Variants in TMEM181 observed in about 807,000 individuals in gnomAD.
TMEM181 encodes G protein-coupled receptor 178.
In TMEM181, 39 loss-of-function variants were observed where a neutral mutation model predicts 71.9. The ratio of observed to expected loss-of-function variants is 0.54; its 90% CI spans 0.42 to 0.71. The LOEUF (loss-of-function observed/expected upper bound fraction) is 0.71, where lower values mean the gene tolerates loss of function less well. TMEM181 is among the 30% of genes least tolerant of loss of function. The probability of loss-of-function intolerance (pLI) is 0.00; values close to 1 mark genes in which losing one functional copy is unlikely to be tolerated. For missense variants in TMEM181, 595 were observed against 583.0 expected, an observed-to-expected ratio of 1.02 and a Z score of -0.21; for synonymous variants, 245 against 228.8, an observed-to-expected ratio of 1.07 and a Z score of -0.64.
chr6:158,625,841 A>G, intron 13 of TMEM181, 87 bp downstream of exon 13: 2 of 1,221,118 alleles, frequency 1.6e-6, no homozygotes, highest in South Asian at 1.3e-5. Context: ...TGTGGAGTGG[A>G]TTTCAGGGTA....
At chr6:158,589,437 G>C (rs1783977016) in intron 5 of TMEM181, among the ~76,000 whole-genome samples, 1 of 152,174 alleles carries the variant, frequency 6.6e-6, no homozygotes, top group Admixed American at 6.5e-5. Context: ...GTCATCCAAA[G>C]TAGAAAGATT....
At position 158,561,159 on chromosome 6, in the gene TMEM181, T is replaced by C. The variant is rs112971025; in HGVS notation, c.8+927T>C. Among the ~76,000 whole-genome samples the C allele has an allele frequency of 2.0e-3, 312 of 152,316 alleles. 2 individuals are homozygous for C. The highest frequency in any genetic ancestry group is 6.8e-3 in the African/African-American group (283 of 41,574). On this transcript the variant is annotated intron_variant, in intron 1 of 16. Transcript: ENST00000684151. Reference sequence around the variant, plus strand: ...GGCAGAAGGGTTTTGCTTTGGATCTTTGCTGATTTCTCTGGCTGTGGACGT... The same window carrying C: ...GGCAGAAGGGTTTTGCTTTGGATCTCTGCTGATTTCTCTGGCTGTGGACGT...
At chr6:158,553,208 G>A (rs1268180317) in intron 1 of TMEM181, among the ~76,000 whole-genome samples, 6 of 151,686 alleles carry the variant, frequency 4.0e-5, no homozygotes, top group Non-Finnish European at 7.4e-5. Flanking sequence ...AAAAAATTGG[G>A]AAATGAACCA....
chr6:158,536,842 C>G, exon 1 of TMEM181: 1 of 1,501,002 alleles, frequency 6.7e-7, no homozygotes. Context: ...ACCTCACGCC[C>G]TTCAAGGATG....
chr6:158,570,784 C>T (rs1364559582), intron 1 of TMEM181, among the ~76,000 whole-genome samples: 1 of 152,110 alleles, frequency 6.6e-6, no homozygotes, highest in East Asian at 1.9e-4. Flanking sequence ...GTACTGTTAA[C>T]TGAACTAAAG....
chr6:158,581,753 CAAAA>C (rs10626721), intron 3 of TMEM181, among the ~76,000 whole-genome samples: 49 of 62,170 alleles, frequency 7.9e-4, no homozygotes, highest in South Asian at 5.0e-3. Context: ...GACTCTGTCT[CAAAA>C]AAAAAAAAAA....
At chr6:158,630,880 C>T (rs9457419) in intron 15 of TMEM181, among the ~76,000 whole-genome samples, 49,982 of 151,492 alleles carry the variant, frequency 0.33, 9,513 homozygotes, top group African/African-American at 0.53. Context: ...CCTTCACAAA[C>T]GGCGTCTCAC....
At chr6:158,624,334 T>C (rs1222142652) in intron 11 of TMEM181, among the ~76,000 whole-genome samples, 5 of 152,138 alleles carry the variant, frequency 3.3e-5, no homozygotes, top group African/African-American at 1.2e-4. Context: ...CTTAGGTGCT[T>C]TTGAGAAAAA....
intron 14 of TMEM181, 67 bp downstream of exon 14, chr6:158,628,557 A>G: frequency 6.9e-7 from 1 of 1,445,634 alleles, no homozygotes; most frequent in South Asian, 1.2e-5. Flanking sequence ...TTAGTGGCTC[A>G]GATTTGCCCC....
chr6:158,615,562 G>T (rs1785566784), intron 10 of TMEM181, among the ~76,000 whole-genome samples: 1 of 152,152 alleles, frequency 6.6e-6, no homozygotes, highest in African/African-American at 2.4e-5. Flanking sequence ...CCTTGCCCAT[G>T]CCCATGTCCT....
intron 10 of TMEM181, among the ~76,000 whole-genome samples, chr6:158,616,654 G>A (rs1368197170): frequency 7.2e-5 from 11 of 152,108 alleles, no homozygotes; most frequent in African/African-American, 2.4e-5. Flanking sequence ...TTTGAGATAC[G>A]TCCCATCAAC....
In TMEM181 at chr6:158,549,430, T is replaced by C. The variant is rs758724999; in HGVS notation, c.131+12565T>C. Among the ~76,000 whole-genome samples the C allele has an allele frequency of 5.3e-5, 8 of 152,230 alleles. No homozygotes were observed. The South Asian group carries it at 6.2e-4, about 12-fold the overall frequency. ...TGCCTGGCCTACACTTCTTAACATA[T>C]AGTAGTAGACTTTCAAGTGATTCAG... On this transcript the variant is annotated intron_variant, in intron 1 of 16. Transcript: ENST00000367090.
At chr6:158,569,543 T>G (rs1473669170) in intron 1 of TMEM181, among the ~76,000 whole-genome samples, 2 of 152,118 alleles carry the variant, frequency 1.3e-5, no homozygotes, top group East Asian at 3.8e-4. Flanking sequence ...TTATTGAGCC[T>G]TCTGAGAGAG....
rs1264363432 is a variant in TMEM181, at chr6:158,634,439, CTT to C, written c.*2553_*2554del. 6.6e-6 allele frequency: 1 copy of C among 151,970 alleles called. No homozygotes were observed. Among genetic ancestry groups the C allele is most frequent in the Non-Finnish European group, 1.5e-5 (1 of 67,986 alleles). 9.4% of individuals were successfully genotyped at this position (151,970 alleles called of 1,614,324 possible). On this transcript the variant is annotated 3_prime_UTR_variant, in exon 17 of 17. Coordinates refer to ENST00000684151, the MANE Select transcript of TMEM181 (RefSeq NM_001376852.1). ...AAGTTTTGCGAACTTAAAGGGCTGA[CTT>C]TAGTTCCTTCATGGTAATGGCTTGA... is the stretch of plus-strand genomic sequence containing the variant.
intron 1 of TMEM181, among the ~76,000 whole-genome samples, chr6:158,544,176 GGA>G (rs142404272): frequency 4.1e-5 from 5 of 122,030 alleles, no homozygotes; most frequent in Admixed American, 1.8e-4. Context: ...GGTGCAAATT[GGA>G]GAGAGTGTGT....
intron 10 of TMEM181, among the ~76,000 whole-genome samples, chr6:158,609,417 C>A (rs1364685098): frequency 6.6e-6 from 1 of 151,986 alleles, no homozygotes; most frequent in Non-Finnish European, 1.5e-5. Flanking sequence ...CTCATTGTAC[C>A]CTCATGTCAC....
At chr6:158,618,667 G>A (rs1448262747) in intron 10 of TMEM181, among the ~76,000 whole-genome samples, 1 of 152,190 alleles carries the variant, frequency 6.6e-6, no homozygotes, top group Non-Finnish European at 1.5e-5. Context: ...TCCTTCAGGA[G>A]CTCTTGTAAG....
rs188540903 is a variant in TMEM181, at chr6:158,607,942, T to C, written c.674-391T>C. The stretch of plus-strand genomic sequence containing the variant: ...TGTTCCTCTTTTCCTGCTCCAAAAG[T>C]GTTTGCTTCCCGAGCTGCCGCAGTC... On this transcript the variant is annotated intron_variant, in intron 8 of 16. Coordinates refer to ENST00000684151, the MANE Select transcript of TMEM181 (RefSeq NM_001376852.1). 2.1e-3 allele frequency among the ~76,000 whole-genome samples: 324 copies of C among 152,312 alleles called. 2 individuals carry two copies. Among genetic ancestry groups the C allele is most frequent in the Non-Finnish European group, 3.4e-3 (229 of 68,014 alleles).
chr6:158,590,749 A>T (rs1027665470), intron 6 of TMEM181, among the ~76,000 whole-genome samples: 1 of 152,230 alleles, frequency 6.6e-6, no homozygotes, highest in African/African-American at 2.4e-5. Flanking sequence ...GGCGTGAGCC[A>T]CCGCGCCCGG....
Sources: allele counts gnomAD v4.1 joint callset (sites outside exome capture counted in the v4.1 genomes callset), GRCh38; gene constraint gnomAD v4.1.1; transcripts MANE v1.5; gene names NCBI Gene and HGNC (gene_info 2026-07-23, HGNC 2026-07-21).